C21orf58: variants seen among roughly 807,000 people sequenced by gnomAD.
The protein encoded by C21orf58 is chromosome 21 open reading frame 58.
In C21orf58, 34 loss-of-function variants were observed where a neutral mutation model predicts 35.8. That is an observed-to-expected ratio of 0.95 (90% CI 0.72 to 1.26). C21orf58 has a LOEUF of 1.26. Ranked by LOEUF, C21orf58 falls within the 50% of genes most tolerant of loss-of-function variation. The probability of loss-of-function intolerance (pLI) is 0.00; values close to 1 mark genes in which losing one functional copy is unlikely to be tolerated. For synonymous variants in C21orf58, 191 were observed against 175.8 expected (o/e 1.09, Z -0.68); for missense variants, 440 against 414.3 (o/e 1.06, Z -0.54).
chr21:46,303,025 G>C (rs965612517), intron 6 of C21orf58, among the ~76,000 whole-genome samples: 4 of 152,120 alleles, frequency 2.6e-5, no homozygotes, highest in Admixed American at 6.5e-5. Context: ...TTAGCCAGGC[G>C]TGGTGGTTCA....
Position 46,302,542 on chromosome 21 carries a change from C to T in C21orf58, c.756G>A (p.Gln252=). The change falls in exon 7 of 8, where the codon CAG becomes CAA. Residue 252 remains glutamine (Q), a synonymous_variant. Transcript: ENST00000291691. ...MVELLLLQNA[Q]VHQLVLQNWM... Reference sequence around the variant, plus strand: ...AGTTCTGCAGGACCAACTGGTGCACCTGTGCGTTCTGCAGCAGCAGCAGCT... The same window carrying T: ...AGTTCTGCAGGACCAACTGGTGCACTTGTGCGTTCTGCAGCAGCAGCAGCT... The T allele has an allele frequency of 2.5e-6, 4 of 1,612,742 alleles. No individual in the cohort carries two copies. Among genetic ancestry groups the T allele is most frequent in the Admixed American group, 1.7e-5 (1 of 59,908 alleles).
At chr21:46,306,371 C>T (rs1030355849) in intron 6 of C21orf58, among the ~76,000 whole-genome samples, 2 of 150,774 alleles carry the variant, frequency 1.3e-5, no homozygotes, top group Middle Eastern at 3.5e-3. Flanking sequence ...TGGTGGCACA[C>T]GCCTGTAGTC....
chr21:46,322,490 T>C (rs2083204459), intron 1 of C21orf58, 149 bp downstream of exon 1: 4 of 1,273,728 alleles, frequency 3.1e-6, no homozygotes, highest in Non-Finnish European at 4.0e-6. Flanking sequence ...TCTCTGTTCC[T>C]GGAAAGTGTG....
In C21orf58 at chr21:46,311,421, C is replaced by G. The variant is rs544017254; in HGVS notation, c.721+35G>C. 94 of 1,297,006 alleles carry G rather than the reference C, an allele frequency of 7.2e-5. No homozygotes were observed. In the East Asian group the frequency reaches 2.1e-3, roughly 28 times the overall value. 80.3% of individuals were successfully genotyped at this position (1,297,006 alleles called of 1,614,324 possible). The stretch of plus-strand genomic sequence containing the variant: ...ATTTTCCCTTTCAGTAGATAATTTC[C>G]TCAACCCACAACAATATGAATATGG... On this transcript the variant is annotated intron_variant, in intron 6 of 7. Coordinates refer to ENST00000291691, the MANE Select transcript of C21orf58 (RefSeq NM_058180.5).
chr21:46,306,499 GA>G lies in C21orf58; in HGVS notation c.722-3924del, dbSNP rs1008039717. Reference sequence around the variant, plus strand: ...GGCAACAGAGCGACACTCCCATCTCGAAAAAAAAAATCTTTTATGAATTCCT... The same window carrying G: ...GGCAACAGAGCGACACTCCCATCTCGAAAAAAAAATCTTTTATGAATTCCT... On this transcript the variant is annotated intron_variant, in intron 6 of 7. Transcript: ENST00000291691. 3.3e-5 allele frequency among the ~76,000 whole-genome samples: 5 copies of G among 149,300 alleles called. No homozygotes were observed. The South Asian group carries it at 6.4e-4, about 19-fold the overall frequency.
intron 6 of C21orf58, 113 bp from the exon 7 acceptor site, chr21:46,302,689 C>A: frequency 1.2e-6 from 1 of 846,278 alleles, no homozygotes; most frequent in Non-Finnish European, 1.9e-6. Context: ...TGTGCAGGTC[C>A]CCGGGGCAGG....
chr21:46,301,826 G>A lies in C21orf58; in HGVS notation c.*173C>T. On this transcript the variant is annotated 3_prime_UTR_variant, in exon 8 of 8. Transcript: ENST00000291691. ...GCCCCCTGGAATGGCCCCGTGACCA[G>A]AAAGCGAGCCTGCCCAGCTTCCCCA... 1 of 1,263,116 alleles carries A rather than the reference G, an allele frequency of 7.9e-7. No homozygotes were observed. The highest frequency in any genetic ancestry group is 9.9e-7 in the Non-Finnish European group (1 of 1,006,092). 78.2% of individuals were successfully genotyped at this position (1,263,116 alleles called of 1,614,324 possible). A position where few individuals can be genotyped will look rare whatever the true frequency, so the allele number is the denominator to read the frequency against.
At chr21:46,306,542 A>G (rs2082428109) in intron 6 of C21orf58, among the ~76,000 whole-genome samples, 1 of 152,154 alleles carries the variant, frequency 6.6e-6, no homozygotes, top group Non-Finnish European at 1.5e-5. Flanking sequence ...CAGTTATACA[A>G]ACTCCCTCAG....
At chr21:46,317,975 G>T in intron 2 of C21orf58, 37 bp downstream of exon 2, 1 of 1,608,416 alleles carries the variant, frequency 6.2e-7, no homozygotes, top group Non-Finnish European at 8.5e-7. Flanking sequence ...CAGCCTGCGA[G>T]TTGTTAAAAA....
rs1278982793 is a variant in C21orf58, at chr21:46,322,742, G to A, written c.-4C>T. On this transcript the variant is annotated 5_prime_UTR_variant, in exon 1 of 8. Coordinates refer to ENST00000291691, the MANE Select transcript of C21orf58 (RefSeq NM_058180.5). Reference sequence around the variant, plus strand: ...CAGGGAGCCGAGATCGCGCCATTGCGCTATAGCCTGGGCGTCGCAGCGAGA... The same window carrying A: ...CAGGGAGCCGAGATCGCGCCATTGCACTATAGCCTGGGCGTCGCAGCGAGA... 1.3e-6 allele frequency: 2 copies of A among 1,491,374 alleles called. No homozygotes were observed. Among genetic ancestry groups the A allele is most frequent in the East Asian group, 2.5e-5 (1 of 39,414 alleles). 92.4% of individuals were successfully genotyped at this position (1,491,374 alleles called of 1,614,324 possible). A position where few individuals can be genotyped will look rare whatever the true frequency, so the allele number is the denominator to read the frequency against.
rs2082617762 is a variant in C21orf58, at chr21:46,310,281, AGCCTG to A, written c.721+1170_721+1174del. 3.3e-5 allele frequency among the ~76,000 whole-genome samples: 5 copies of A among 152,216 alleles called. No homozygotes were observed. The South Asian group carries it at 1.0e-3, about 32-fold the overall frequency. On this transcript the variant is annotated intron_variant, in intron 6 of 7. Transcript: ENST00000291691. ...TGCCTGAGGTCAGGAGTTCGAGACC[AGCCTG>A]GCCAACATAGTGAAACCCCTGTCTC...
intron 6 of C21orf58, among the ~76,000 whole-genome samples, chr21:46,303,745 A>ATTT (rs869177693): frequency 3.8e-4 from 9 of 23,820 alleles, no homozygotes; most frequent in Admixed American, 1.6e-3. Flanking sequence ...ATATATATAT[A>ATTT]TTTTTTTTTT....
chr21:46,317,896 C>G, intron 2 of C21orf58, 116 bp downstream of exon 2: 2 of 1,174,288 alleles, frequency 1.7e-6, no homozygotes, highest in Non-Finnish European at 2.4e-6. Context: ...GCTGCCAGCC[C>G]CAGGCCTAGC....
intron 2 of C21orf58, 80 bp downstream of exon 2, chr21:46,317,932 G>A (rs185617176): frequency 2.7e-6 from 4 of 1,492,740 alleles, no homozygotes; most frequent in African/African-American, 2.8e-5. Context: ...TTCTGCACCT[G>A]CAGGGCTGTC....
At position 46,323,333 on chromosome 21, in the gene C21orf58, C is replaced by T. The variant is rs937531524; in HGVS notation, c.-595G>A. ...CGACGACCTCATGCGACGTCAGTTTCCCCCTGGGACCACGAACCCACGGCC... is the reference window on the plus strand; with the variant it reads ...CGACGACCTCATGCGACGTCAGTTTTCCCCTGGGACCACGAACCCACGGCC... On this transcript the variant is annotated 5_prime_UTR_variant, in exon 1 of 8. Transcript: ENST00000291691. 9.2e-5 allele frequency: 14 copies of T among 152,340 alleles called. No homozygotes were observed. Among genetic ancestry groups the T allele is most frequent in the African/African-American group, 3.1e-4 (13 of 41,466 alleles). 9.4% of individuals were successfully genotyped at this position (152,340 alleles called of 1,614,324 possible).
chr21:46,303,703 CACAA>C lies in C21orf58; in HGVS notation c.722-1131_722-1128del, dbSNP rs370422652. Among the ~76,000 whole-genome samples, 14 of 55,160 alleles carry C rather than the reference CACAA, an allele frequency of 2.5e-4. 1 individual carries two copies. In the East Asian group the frequency reaches 3.4e-3, roughly 14 times the overall value. 36.2% of individuals were successfully genotyped at this position (55,160 alleles called of 152,430 possible). A position where few individuals can be genotyped will look rare whatever the true frequency, so the allele number is the denominator to read the frequency against. On this transcript the variant is annotated intron_variant, in intron 6 of 7. Coordinates refer to ENST00000291691, the MANE Select transcript of C21orf58 (RefSeq NM_058180.5). ...ACACACACACACACACACACACACA[CACAA>C]AATATATATATATATATATATATAT...
intron 4 of C21orf58, chr21:46,315,239 C>G: frequency 1.7e-6 from 1 of 597,176 alleles, no homozygotes; most frequent in Non-Finnish European, 3.0e-6. Flanking sequence ...AGCAAACCTC[C>G]AGGCATCCCA....
At chr21:46,307,411 T>G (rs781543023) in intron 6 of C21orf58, among the ~76,000 whole-genome samples, 3 of 152,076 alleles carry the variant, frequency 2.0e-5, no homozygotes, top group Non-Finnish European at 4.4e-5. Context: ...GTATGCTTTT[T>G]AGAACCTATG....
At position 46,301,406 on chromosome 21, in the gene C21orf58, T is replaced by TA. The variant is rs1343578764; in HGVS notation, c.*592dup. On this transcript the variant is annotated 3_prime_UTR_variant, in exon 8 of 8. Transcript: ENST00000291691. ...AAGTGATCCTCCTGCCTCAGCCTCT[T>TA]AAAGTGCTGGGATTACAGGCATGAG... is the stretch of plus-strand genomic sequence containing the variant. 3 of 912,846 alleles carry TA rather than the reference T, an allele frequency of 3.3e-6. No homozygotes were observed. Among genetic ancestry groups the TA allele is most frequent in the South Asian group, 5.0e-5 (1 of 19,872 alleles). The allele number at this position is 912,846 out of a possible 1,614,324, so 56.5% of individuals were successfully genotyped here.
Sources: allele counts gnomAD v4.1 joint callset (sites outside exome capture counted in the v4.1 genomes callset), GRCh38; gene constraint gnomAD v4.1.1; transcripts MANE v1.5; gene names NCBI Gene and HGNC (gene_info 2026-07-23, HGNC 2026-07-21).